Variants in SHANK2 observed in about 807,000 individuals in gnomAD.
The protein encoded by SHANK2 is SH3 and multiple ankyrin repeat domains 2.
Under a neutral mutation model 133.7 loss-of-function variants are expected in SHANK2, and 43 were observed. The observed-to-expected ratio is 0.32, with a 90% CI of 0.25 to 0.41. The LOEUF is 0.41. SHANK2 is among the 10% of genes least tolerant of loss of function. The pLI is 1.00. For synonymous variants in SHANK2, 1,017 were observed against 952.8 expected, an observed-to-expected ratio of 1.07 and a Z score of -1.24; for missense variants, 1,994 against 2,235.8, an observed-to-expected ratio of 0.89 and a Z score of 2.18.
At chr11:71,197,528 GTC>G (rs1953930285) in intron 2 of SHANK2, among the ~76,000 whole-genome samples, 2 of 152,372 alleles carry the variant, frequency 1.3e-5, no homozygotes, top group Admixed American at 6.5e-5. Flanking sequence ...CTTCTTCTCT[GTC>G]TCTCCATCTG....
At chr11:70,603,556 A>G (rs2060528897) in intron 17 of SHANK2, 1 of 152,272 alleles carries the variant, frequency 6.6e-6, no homozygotes. Flanking sequence ...GCCACTAATA[A>G]TGTGTCACTG....
At chr11:70,778,491 A>G (rs891419634) in intron 14 of SHANK2, among the ~76,000 whole-genome samples, 2 of 152,214 alleles carry the variant, frequency 1.3e-5, no homozygotes, top group Non-Finnish European at 2.9e-5. Flanking sequence ...ATTTGGAGAA[A>G]GGACTTTAGA....
intron 14 of SHANK2, among the ~76,000 whole-genome samples, chr11:70,730,434 T>C (rs1247251030): frequency 3.9e-5 from 6 of 152,096 alleles, no homozygotes; most frequent in Admixed American, 1.3e-4. Context: ...AGCCCATCCC[T>C]ATAAAGCTGT....
chr11:70,550,391 G>C (rs545874584), intron 17 of SHANK2, among the ~76,000 whole-genome samples: 1 of 152,144 alleles, frequency 6.6e-6, no homozygotes, highest in East Asian at 1.9e-4. Context: ...TGCTGCATGC[G>C]TACCCCCAGG....
chr11:70,806,197 GGCCCTCCAATGGCAGGGCCCGGCATGCT>G (rs1258031359), intron 13 of SHANK2, among the ~76,000 whole-genome samples: 1 of 152,182 alleles, frequency 6.6e-6, no homozygotes, highest in African/African-American at 2.4e-5. Context: ...CCAATGGCAA[GGCCCTCCAATGGCAGGGCCCGGCATGCT>G]GCCCTCCAAT....
chr11:70,786,000 G>A lies in SHANK2; in HGVS notation c.1777+12443C>T, dbSNP rs149405382. Among the ~76,000 whole-genome samples, 827 of 152,240 alleles carry A rather than the reference G, an allele frequency of 5.4e-3. 15 individuals are homozygous for A. The East Asian group carries it at 0.063, about 12-fold the overall frequency. On this transcript the variant is annotated intron_variant, in intron 14 of 25. Coordinates refer to ENST00000601538, the MANE Select transcript of SHANK2 (RefSeq NM_012309.5). ...TGTCCTACCTGCTATGCACAGATGGGCCCGGGACCAGACCTCTAGCAGTGT... is the reference window on the plus strand; with the variant it reads ...TGTCCTACCTGCTATGCACAGATGGACCCGGGACCAGACCTCTAGCAGTGT...
chr11:70,933,082 G>A (rs1041491892), intron 10 of SHANK2: 4 of 455,924 alleles, frequency 8.8e-6, no homozygotes, highest in African/African-American at 2.0e-5. Flanking sequence ...ACAGCAGCAT[G>A]ATTCACACTA....
intron 2 of SHANK2, among the ~76,000 whole-genome samples, chr11:71,183,494 T>C (rs1294658770): frequency 3.9e-5 from 6 of 152,196 alleles, no homozygotes; most frequent in Non-Finnish European, 8.8e-5. Context: ...TGCAAAGCTC[T>C]AAGCAAACAG....
chr11:70,525,586 A>G (rs2059385454), intron 17 of SHANK2, among the ~76,000 whole-genome samples: 2 of 152,100 alleles, frequency 1.3e-5, no homozygotes, highest in Non-Finnish European at 1.5e-5. Context: ...TTTCTTTTGA[A>G]ATGCCAGGGT....
intron 6 of SHANK2, among the ~76,000 whole-genome samples, chr11:71,100,996 T>C (rs1367018002): frequency 6.6e-6 from 1 of 152,000 alleles, no homozygotes; most frequent in Non-Finnish European, 1.5e-5. Flanking sequence ...GAAGCTATGC[T>C]GTGTAATTCT....
chr11:70,817,663 T>C (rs545932217), intron 12 of SHANK2, among the ~76,000 whole-genome samples: 12 of 152,194 alleles, frequency 7.9e-5, no homozygotes, highest in African/African-American at 2.7e-4. Flanking sequence ...GCGCACTGGC[T>C]GGACAAGGTG....
At chr11:70,860,091 C>G (rs1169257012) in intron 11 of SHANK2, among the ~76,000 whole-genome samples, 2 of 152,228 alleles carry the variant, frequency 1.3e-5, no homozygotes, top group Non-Finnish European at 2.9e-5. Context: ...AACATCCGAC[C>G]CTGTCCCTTG....
chr11:70,744,164 G>C (rs1946590588), intron 14 of SHANK2, among the ~76,000 whole-genome samples: 1 of 152,224 alleles, frequency 6.6e-6, no homozygotes, highest in East Asian at 1.9e-4. Context: ...CAGGGCCCCA[G>C]AGCCACATTC....
chr11:70,618,260 C>T (rs531534564), intron 17 of SHANK2, among the ~76,000 whole-genome samples: 7 of 149,332 alleles, frequency 4.7e-5, no homozygotes, highest in African/African-American at 1.5e-4. Context: ...CACCACTGCA[C>T]TCCAGCCTGG....
At chr11:70,615,538 G>A (rs1407974588) in intron 17 of SHANK2, among the ~76,000 whole-genome samples, 3 of 152,120 alleles carry the variant, frequency 2.0e-5, no homozygotes, top group African/African-American at 4.8e-5. Flanking sequence ...CCTTAGTGGC[G>A]GCGCAAGGGA....
intron 10 of SHANK2, among the ~76,000 whole-genome samples, chr11:70,916,602 C>A (rs1950273303): frequency 6.6e-6 from 1 of 152,156 alleles, no homozygotes; most frequent in Non-Finnish European, 1.5e-5. Flanking sequence ...GATTCACCGG[C>A]AAGAGGATGA....
chr11:71,231,890 GA>G (rs1236313299), intron 1 of SHANK2, among the ~76,000 whole-genome samples: 196 of 139,036 alleles, frequency 1.4e-3, no homozygotes, highest in Middle Eastern at 3.7e-3. Context: ...TGTCTTCAAG[GA>G]AAAAAAAAAA....
At chr11:70,656,540 C>A (rs1555011662) in intron 17 of SHANK2, among the ~76,000 whole-genome samples, 2 of 152,154 alleles carry the variant, frequency 1.3e-5, no homozygotes, top group Non-Finnish European at 2.9e-5. Flanking sequence ...GCTCCTTCTC[C>A]CCTGGGCTGG....
chr11:70,703,751 C>T (rs1004000820), intron 14 of SHANK2, among the ~76,000 whole-genome samples: 7 of 152,224 alleles, frequency 4.6e-5, no homozygotes, highest in African/African-American at 1.4e-4. Context: ...TCCCAGGTGC[C>T]GGGGCCCGAG....
Sources: gnomAD v4.1 joint callset for allele counts (sites outside exome capture counted in the v4.1 genomes callset) on GRCh38, gnomAD v4.1.1 for gene constraint, MANE v1.5 for transcripts, NCBI Gene and HGNC (gene_info 2026-07-23, HGNC 2026-07-21) for gene names.